DNHD1: variants seen among roughly 807,000 people sequenced by gnomAD.
The protein encoded by DNHD1 is dynein heavy chain domain 1, also known as dynein heavy chain domain-containing protein 1.
Under a neutral mutation model 458.1 loss-of-function variants are expected in DNHD1, and 383 were observed. That is an observed-to-expected ratio of 0.84 (90% CI 0.77 to 0.91). The LOEUF is 0.91. DNHD1 is among the 40% of genes least tolerant of loss of function. The probability of loss-of-function intolerance (pLI) is 0.00; values close to 1 mark genes in which losing one functional copy is unlikely to be tolerated. For synonymous variants in DNHD1, 2,203 were observed against 2,376.9 expected, an observed-to-expected ratio of 0.93 and a Z score of 2.13; for missense variants, 5,336 against 5,866.1, an observed-to-expected ratio of 0.91 and a Z score of 2.95.
chr11:6,512,320 A>G (rs1472249563), intron 7 of DNHD1, among the ~76,000 whole-genome samples: 1 of 136,838 alleles, frequency 7.3e-6, no homozygotes, highest in Non-Finnish European at 1.5e-5. Flanking sequence ...TTCCGGGTTC[A>G]CGCCATTCTC....
At chr11:6,553,781 T>G (rs1454254471) in intron 24 of DNHD1, among the ~76,000 whole-genome samples, 2 of 151,444 alleles carry the variant, frequency 1.3e-5, no homozygotes, top group Non-Finnish European at 3.0e-5. Flanking sequence ...GGAATAAATT[T>G]AATTAAAAGC....
rs761142617 is a variant in DNHD1, at chr11:6,509,206, AATTCCTAGAG to A, written c.1171_1180del (p.Phe391IlefsTer47). On this transcript the variant is annotated frameshift_variant, in exon 6 of 43. Coordinates refer to ENST00000254579, the MANE Select transcript of DNHD1 (RefSeq NM_144666.3). LOFTEE classifies it high-confidence loss of function. Reference sequence around the variant, plus strand: ...TTACAGGGGCTGCATCGACTCCAGAAATTCCTAGAGAATCATCTGCTCTTGGCTGTGCCCC... The same window carrying A: ...TTACAGGGGCTGCATCGACTCCAGAAAATCATCTGCTCTTGGCTGTGCCCC... 1.2e-6 allele frequency: 2 copies of A among 1,614,216 alleles called. No homozygotes were observed.
chr11:6,555,360 T>C (rs1359503598), intron 24 of DNHD1, among the ~76,000 whole-genome samples: 2 of 152,210 alleles, frequency 1.3e-5, no homozygotes, highest in African/African-American at 4.8e-5. Context: ...TGTTTCCTAT[T>C]GTTGTGGTGT....
In DNHD1 at chr11:6,563,041, G is replaced by A; in HGVS notation, c.9579G>A (p.Leu3193=). The change falls in exon 29 of 43, where the codon CTG becomes CTA. Residue 3193 remains leucine, a synonymous_variant. Coordinates refer to ENST00000254579, the MANE Select transcript of DNHD1 (RefSeq NM_144666.3). ...EQSKLLYKQQ[L]EECRHQENLI... is the part of the protein sequence containing the mutation. ...GCAAGCTCCTATACAAGCAGCAGCT[G>A]GAAGAGTGTCGGCATCAAGAGAACC... The A allele has an allele frequency of 2.6e-6, 4 of 1,551,712 alleles. No individual in the cohort carries two copies. The highest frequency in any genetic ancestry group is 3.5e-6 in the Non-Finnish European group (4 of 1,146,992).
chr11:6,557,377 G>A lies in DNHD1; in HGVS notation c.8082G>A (p.Gln2694=), dbSNP rs1478433968. The A allele has an allele frequency of 1.3e-6, 2 of 1,551,428 alleles. No homozygotes were observed. The highest frequency in any genetic ancestry group is 1.2e-5 in the South Asian group (1 of 84,058). The change falls in exon 25 of 43, where the codon CAG becomes CAA. Residue 2694 remains glutamine (Q), a synonymous_variant. Coordinates refer to ENST00000254579, the MANE Select transcript of DNHD1 (RefSeq NM_144666.3). ...CCCAGCACCTGGGCAAGGACCATCAGGAGAGTGAGGAGGAGGAGGAGGAGG... is the reference window on the plus strand; with the variant it reads ...CCCAGCACCTGGGCAAGGACCATCAAGAGAGTGAGGAGGAGGAGGAGGAGG... ...PGPQHLGKDH[Q]ESEEEEEEER... is the part of the protein sequence containing the mutation.
intron 10 of DNHD1, among the ~76,000 whole-genome samples, chr11:6,526,790 C>T (rs1852719021): frequency 6.6e-6 from 1 of 152,208 alleles, no homozygotes; most frequent in Non-Finnish European, 1.5e-5. Flanking sequence ...GCATAGATTA[C>T]TTAAGCTTCT....
rs916629638 is a variant in DNHD1 at position 6,570,310 on chromosome 11, C to T, written c.13019C>T (p.Thr4340Ile). The T allele has an allele frequency of 1.2e-6, 2 of 1,613,426 alleles. No individual in the cohort carries two copies. The highest frequency in any genetic ancestry group is 1.1e-5 in the South Asian group (1 of 90,984). Residue 4340 changes from threonine (T) to isoleucine (I), a missense_variant, in exon 41 of 43, where the codon ACA (threonine) becomes ATA (isoleucine). Thr to Ile is a moderately conservative substitution (Grantham distance 89). This residue lies in a region of DNHD1 where 698 missense variants were observed against 664.9 expected (regional missense o/e 1.05). Coordinates refer to ENST00000254579, the MANE Select transcript of DNHD1 (RefSeq NM_144666.3). ...GACAGGGAGGCCCTGATTAGCCTCACACAAGCCTGCCTGAGCCCCAGTAGT... is the reference window on the plus strand; with the variant it reads ...GACAGGGAGGCCCTGATTAGCCTCATACAAGCCTGCCTGAGCCCCAGTAGT... ...TEDREALISL[T>I]QACLSPSSGS...
At position 6,566,998 on chromosome 11, in the gene DNHD1, G is replaced by A. The variant is rs10769699; in HGVS notation, c.11489G>A (p.Arg3830His). The change falls in exon 36 of 43, where the codon CGT (arginine) becomes CAT (histidine). Residue 3830 changes from arginine to histidine, a missense_variant. Arg to His is a conservative substitution (Grantham distance 29, BLOSUM62 0). Transcript: ENST00000254579. Reference sequence around the variant, plus strand: ...GCCCAAGGAAAGCTATGCCAGCTGCGTGCTCATTGTGAAGAGTTAGAAGGG... The same window carrying A: ...GCCCAAGGAAAGCTATGCCAGCTGCATGCTCATTGTGAAGAGTTAGAAGGG... ...VRAQGKLCQL[R>H]AHCEELEGQK... The A allele has an allele frequency of 0.36, 587,198 of 1,613,734 alleles. 112,027 individuals are homozygous for A. The highest frequency in any genetic ancestry group is 0.4 in the Non-Finnish European group (473,757 of 1,179,764).
intron 3 of DNHD1, among the ~76,000 whole-genome samples, chr11:6,500,326 G>T (rs1050689767): frequency 6.6e-6 from 1 of 152,190 alleles, no homozygotes; most frequent in East Asian, 1.9e-4. Flanking sequence ...TCTAGACAAT[G>T]CTTTGCAGCT....
rs1852862269 is a variant in DNHD1, at chr11:6,533,106, G to A, written c.2427G>A (p.Met809Ile). 11 of 1,551,658 alleles carry A rather than the reference G, an allele frequency of 7.1e-6. No homozygotes were observed. In the East Asian group the frequency reaches 2.7e-4, roughly 38 times the overall value. The change falls in exon 13 of 43, where the codon ATG becomes ATA. Residue 809 changes from methionine (M) to isoleucine (I), a missense_variant. Around this residue, in one of 4 missense-constraint regions of DNHD1, gnomAD observed 3,932 missense variants for 4,365.6 expected, o/e 0.90. Coordinates refer to ENST00000254579, the MANE Select transcript of DNHD1 (RefSeq NM_144666.3). ...GCTGGAACCTCAGTCAACAACTCAT[G>A]ACAGAGCTCACAGATTTCATGCATA... ...NECWNLSQQL[M>I]TELTDFMHIF...
chr11:6,498,646 C>G lies in DNHD1; in HGVS notation c.431C>G (p.Ala144Gly), dbSNP rs780376143. 1 of 1,614,236 alleles carries G rather than the reference C, an allele frequency of 6.2e-7. No homozygotes were observed. Among genetic ancestry groups the G allele is most frequent in the Admixed American group, 1.7e-5 (1 of 60,030 alleles). ...CCAGACAGCTCTTTGTTAGACAGTG[C>G]TTCCCATGCTGACTGCTGTCCCCAG... ...FPPDSSLLDS[A>G]SHADCCPQKR... Residue 144 changes from alanine to glycine, a missense_variant, in exon 3 of 43, where the codon GCT becomes GGT. Ala to Gly is a moderately conservative substitution (Grantham distance 60, BLOSUM62 0). Transcript: ENST00000254579.
In DNHD1 at chr11:6,566,645, A is replaced by C. The variant is rs1448691994; in HGVS notation, c.11265A>C (p.Glu3755Asp). The change falls in exon 35 of 43, where the codon GAA becomes GAC. Residue 3755 changes from glutamate to aspartate, a missense_variant. By Grantham distance (45) the Glu-to-Asp change is conservative. This residue lies in a region of DNHD1 where 695 missense variants were observed against 804.2 expected (regional missense o/e 0.86). Coordinates refer to ENST00000254579, the MANE Select transcript of DNHD1 (RefSeq NM_144666.3). The stretch of plus-strand genomic sequence containing the variant: ...TGTTGGATCTGGGCCTGAACATGGA[A>C]ATACTGGAAGAACAGATGCTGCATG... Reference protein sequence around the residue: ...LNVLDLGLNMEILEEQMLHEI... With the variant: ...LNVLDLGLNMDILEEQMLHEI... 1 of 1,613,850 alleles carries C rather than the reference A, an allele frequency of 6.2e-7. No individual in the cohort carries two copies. Among genetic ancestry groups the C allele is most frequent in the South Asian group, 1.1e-5 (1 of 91,010 alleles).
Position 6,568,133 on chromosome 11 carries a change from C to G in DNHD1, c.12429C>G (p.Ser4143=), listed in dbSNP as rs1307037165. The G allele has an allele frequency of 4.5e-6, 7 of 1,562,782 alleles. No homozygotes were observed. The highest frequency in any genetic ancestry group is 6.1e-6 in the Non-Finnish European group (7 of 1,152,720). Residue 4143 remains serine, a synonymous_variant, in exon 37 of 43, where the codon TCC becomes TCG. Coordinates refer to ENST00000254579, the MANE Select transcript of DNHD1 (RefSeq NM_144666.3). ...TCTCAGTTGTGGTCAGCACTCTATC[C>G]CAGGCTATGTATGAGGGGCACTGGC... ...DPVSVVVSTL[S]QAMYEGHWLV...
chr11:6,498,845 G>A lies in DNHD1; in HGVS notation c.630G>A (p.Val210=), dbSNP rs1156850215. ...CTCAGGTGGCCCTAGAAGAGGCTGT[G>A]TGGCTGGATGGACTTAGTCTCCTTC... ...VGAQVALEEA[V]WLDGLSLLPL... Residue 210 remains valine, a synonymous_variant, in exon 3 of 43, where the codon GTG becomes GTA. Transcript: ENST00000254579. The A allele has an allele frequency of 6.2e-7, 1 of 1,614,148 alleles. No individual in the cohort carries two copies. Among genetic ancestry groups the A allele is most frequent in the Non-Finnish European group, 8.5e-7 (1 of 1,180,060 alleles).
chr11:6,536,967 G>A (rs1852964737), intron 14 of DNHD1, among the ~76,000 whole-genome samples: 1 of 152,170 alleles, frequency 6.6e-6, no homozygotes, highest in Admixed American at 6.5e-5. Context: ...TGATAGCCTA[G>A]TGATTCCAGC....
At chr11:6,532,674 C>T (rs549717353) in intron 12 of DNHD1, among the ~76,000 whole-genome samples, 13 of 152,270 alleles carry the variant, frequency 8.5e-5, no homozygotes, top group South Asian at 6.2e-4. Flanking sequence ...TCAGGATACC[C>T]CCCGGCACCC....
chr11:6,504,641 G>T (rs987974387), intron 4 of DNHD1, among the ~76,000 whole-genome samples: 3 of 152,076 alleles, frequency 2.0e-5, no homozygotes, highest in African/African-American at 7.2e-5. Context: ...TAGAGACAGG[G>T]TTTCATCATG....
At chr11:6,515,324 A>G (rs1219313405) in intron 7 of DNHD1, among the ~76,000 whole-genome samples, 1 of 152,192 alleles carries the variant, frequency 6.6e-6, no homozygotes, top group East Asian at 1.9e-4. Context: ...CTAATCTCCA[A>G]TCTTTATTCA....
chr11:6,529,616 G>A (rs1852785607), intron 12 of DNHD1, among the ~76,000 whole-genome samples: 1 of 152,124 alleles, frequency 6.6e-6, no homozygotes, highest in African/African-American at 2.4e-5. Flanking sequence ...TGGGATATCT[G>A]GGCAATTGAA....
Sources: gnomAD v4.1 joint callset for allele counts (sites outside exome capture counted in the v4.1 genomes callset) on GRCh38, gnomAD v4.1.1 for gene constraint, gnomAD v4.1.1 regional missense constraint, MANE v1.5 for transcripts, NCBI Gene and HGNC (gene_info 2026-07-23, HGNC 2026-07-21) for gene names.